Variants in TNFRSF9 observed in about 807,000 individuals in gnomAD.
TNFRSF9 encodes the protein tumor necrosis factor receptor superfamily member 9.
Under a neutral mutation model 28.8 loss-of-function variants are expected in TNFRSF9, and 16 were observed. That is an observed-to-expected ratio of 0.55 (90% CI 0.38 to 0.84). The LOEUF (loss-of-function observed/expected upper bound fraction) is 0.84. Among genes scored for constraint, TNFRSF9 ranks in the 40% least tolerant of loss-of-function variants. TNFRSF9 has a pLI of 0.00. For synonymous variants in TNFRSF9, 131 were observed against 117.0 expected (o/e 1.12, Z -0.77); for missense variants, 303 against 315.0 (o/e 0.96, Z 0.29).
intron 7 of TNFRSF9, among the ~76,000 whole-genome samples, chr1:7,928,467 A>G (rs1276853399): frequency 1.3e-5 from 2 of 152,242 alleles, no homozygotes; most frequent in East Asian, 3.8e-4. Context: ...AGGAAAAAGA[A>G]TTAACCATTG....
intron 7 of TNFRSF9, among the ~76,000 whole-genome samples, chr1:7,932,666 C>CACACAT (rs1383236707): frequency 6.6e-6 from 1 of 151,626 alleles, no homozygotes; most frequent in Non-Finnish European, 1.5e-5. Flanking sequence ...CACGCACACA[C>CACACAT]ACACATACAC....
chr1:7,935,393 C>T (rs1457682379), intron 5 of TNFRSF9, among the ~76,000 whole-genome samples: 1 of 152,288 alleles, frequency 6.6e-6, no homozygotes, highest in Non-Finnish European at 1.5e-5. Flanking sequence ...TCTCTCACCC[C>T]CAGTTTCTTA....
At chr1:7,924,794 G>A (rs1639615472) in intron 7 of TNFRSF9, among the ~76,000 whole-genome samples, 1 of 152,154 alleles carries the variant, frequency 6.6e-6, no homozygotes, top group East Asian at 1.9e-4. Context: ...AGATGTGGAG[G>A]TGGCAGACAC....
intron 1 of TNFRSF9, among the ~76,000 whole-genome samples, chr1:7,940,528 A>G (rs1179993622): frequency 6.6e-6 from 1 of 152,186 alleles, no homozygotes; most frequent in East Asian, 1.9e-4. Context: ...AACTACTAAC[A>G]TGTGGAAAGA....
rs1639528275 is a variant in TNFRSF9 at position 7,919,596 on chromosome 1, T to G, written c.*1239A>C. ...GGTTTGCACCTGTAATCCCAGCTAC[T>G]TGGGAGACTGAGGCGGGTGGATCAC... On this transcript the variant is annotated 3_prime_UTR_variant, in exon 8 of 8. Coordinates refer to ENST00000377507, the MANE Select transcript of TNFRSF9 (RefSeq NM_001561.6). 6.6e-6 allele frequency: 1 copy of G among 152,240 alleles called. No homozygotes were observed. 9.4% of individuals were successfully genotyped at this position (152,240 alleles called of 1,614,324 possible).
At position 7,924,425 on chromosome 1, in the gene TNFRSF9, G is replaced by C. The variant is rs148064252; in HGVS notation, c.680-3502C>G. ...GTGGATTGCCTGAGCTCAGGAGTTTGAGACTAGCCTGGGCAATTTGGTGAA... is the reference window on the plus strand; with the variant it reads ...GTGGATTGCCTGAGCTCAGGAGTTTCAGACTAGCCTGGGCAATTTGGTGAA... On this transcript the variant is annotated intron_variant, in intron 7 of 7. Coordinates refer to ENST00000377507, the MANE Select transcript of TNFRSF9 (RefSeq NM_001561.6). 9.4e-3 allele frequency among the ~76,000 whole-genome samples: 1,419 copies of C among 151,336 alleles called. 26 individuals are homozygous for C. The highest frequency in any genetic ancestry group is 0.033 in the African/African-American group (1,352 of 41,152).
intron 7 of TNFRSF9, among the ~76,000 whole-genome samples, chr1:7,925,112 G>A (rs922556994): frequency 3.9e-5 from 6 of 151,974 alleles, no homozygotes; most frequent in South Asian, 2.1e-4. Flanking sequence ...TCAGGAGTTC[G>A]AGACCAGCCT....
intron 7 of TNFRSF9, among the ~76,000 whole-genome samples, chr1:7,928,266 T>C (rs1200908808): frequency 6.6e-6 from 1 of 152,168 alleles, no homozygotes; most frequent in South Asian, 2.1e-4. Context: ...ACCAAACATA[T>C]AGCCCAGCAA....
In TNFRSF9 at chr1:7,935,132, T is replaced by C. The variant is rs1578076558; in HGVS notation, c.425A>G (p.Asp142Gly). The change falls in exon 6 of 8, where the codon GAT (aspartate) becomes GGT (glycine). Residue 142 changes from aspartate (D) to glycine (G), a missense_variant. Physicochemically the swap from Asp to Gly is moderately conservative, Grantham distance 94. Transcript: ENST00000377507. ...ICRPWTNCSL[D>G]GKSVLVNGTK... Reference sequence around the variant, plus strand: ...CCCATTCACAAGCACAGACTTTCCATCCAAAGAACAGCTTAGACAGTTCAA... The same window carrying C: ...CCCATTCACAAGCACAGACTTTCCACCCAAAGAACAGCTTAGACAGTTCAA... The C allele has an allele frequency of 1.2e-6, 2 of 1,614,184 alleles. 1 individual carries two copies. The highest frequency in any genetic ancestry group is 2.2e-5 in the South Asian group (2 of 91,084).
intron 5 of TNFRSF9, 54 bp downstream of exon 5, chr1:7,937,636 C>A: frequency 6.7e-7 from 1 of 1,494,600 alleles, no homozygotes; most frequent in East Asian, 2.3e-5. Flanking sequence ...CCTTATCTTC[C>A]AAAAAATTTA....
intron 7 of TNFRSF9, among the ~76,000 whole-genome samples, chr1:7,921,338 AAAAACAAAACAAAACAAAAC>A (rs143263936): frequency 1.2e-4 from 17 of 140,124 alleles, no homozygotes; most frequent in East Asian, 6.5e-4. Flanking sequence ...CTCTGTCTCA[AAAAACAAAACAAAACAAAAC>A]AAAACAAAAC....
chr1:7,927,908 A>C (rs888134291), intron 7 of TNFRSF9, among the ~76,000 whole-genome samples: 1 of 152,178 alleles, frequency 6.6e-6, no homozygotes, highest in Admixed American at 6.5e-5. Context: ...AATATTTATA[A>C]ACCATATATA....
chr1:7,928,103 A>G (rs1451468490), intron 7 of TNFRSF9, among the ~76,000 whole-genome samples: 2 of 152,212 alleles, frequency 1.3e-5, no homozygotes, highest in Admixed American at 6.5e-5. Flanking sequence ...TAAAGCCCCA[A>G]TGAGATGTCA....
chr1:7,925,302 C>CAGA lies in TNFRSF9; in HGVS notation c.680-4380_680-4379insTCT, dbSNP rs1639631566. Reference sequence around the variant, plus strand: ...CAGCCTGGGCAGCAAGACCCTGCCTCAAAAAAAAAAAAATTAAAGTTTATG... The same window carrying CAGA: ...CAGCCTGGGCAGCAAGACCCTGCCTCAGAAAAAAAAAAAAAATTAAAGTTTATG... On this transcript the variant is annotated intron_variant, in intron 7 of 7. Coordinates refer to ENST00000377507, the MANE Select transcript of TNFRSF9 (RefSeq NM_001561.6). 2.3e-5 allele frequency among the ~76,000 whole-genome samples: 3 copies of CAGA among 128,820 alleles called. No homozygotes were observed. In the South Asian group the frequency reaches 7.4e-4, roughly 32 times the overall value. The allele number at this position is 128,820 out of a possible 152,430, so 84.5% of individuals were successfully genotyped here.
rs765320702 is a variant in TNFRSF9, at chr1:7,939,979, A to C, written c.16T>G (p.Tyr6Asp). Residue 6 changes from tyrosine (Y) to aspartate (D), a missense_variant, in exon 2 of 8, where the codon TAC becomes GAC. By Grantham distance (160) the Tyr-to-Asp change is radical. Transcript: ENST00000377507. MGNSC[Y>D]NIVATLLLVL... is the part of the protein sequence containing the mutation. ...AGCAACAGAGTGGCTACTATGTTGTAACAGCTGTTTCCCATGATGAAATCT... is the reference window on the plus strand; with the variant it reads ...AGCAACAGAGTGGCTACTATGTTGTCACAGCTGTTTCCCATGATGAAATCT... The C allele has an allele frequency of 2.5e-6, 4 of 1,595,290 alleles. No individual in the cohort carries two copies. Among genetic ancestry groups the C allele is most frequent in the Non-Finnish European group, 3.4e-6 (4 of 1,164,920 alleles).
rs768329107 is a variant in TNFRSF9 at position 7,933,254 on chromosome 1, G to A, written c.587C>T (p.Ser196Leu). Residue 196 changes from serine (S) to leucine (L), a missense_variant, in exon 7 of 8, where the codon TCG becomes TTG. Transcript: ENST00000377507. The stretch of plus-strand genomic sequence containing the variant: ...GAACAGCAGGAAGAGCAACGCAGTC[G>A]ACGTCAGCGCAAGAAAGAAGGAGAT... ...QIISFFLALT[S>L]TALLFLLFFL... 24 of 1,613,856 alleles carry A rather than the reference G, an allele frequency of 1.5e-5. No homozygotes were observed. In the South Asian group the frequency reaches 2.2e-4, roughly 15 times the overall value.
intron 7 of TNFRSF9, among the ~76,000 whole-genome samples, chr1:7,924,532 C>G (rs1639610717): frequency 6.6e-6 from 1 of 151,942 alleles, no homozygotes; most frequent in African/African-American, 2.4e-5. Flanking sequence ...GAGGCTGAGA[C>G]AGGAGAATCC....
chr1:7,924,080 C>T (rs191608340), intron 7 of TNFRSF9, among the ~76,000 whole-genome samples: 2 of 152,048 alleles, frequency 1.3e-5, no homozygotes, highest in African/African-American at 4.8e-5. Flanking sequence ...CCTATTGCCT[C>T]GTGATGTCCA....
intron 5 of TNFRSF9, 59 bp downstream of exon 5, chr1:7,937,630 AT>A: frequency 1.4e-6 from 2 of 1,433,194 alleles, no homozygotes; most frequent in Non-Finnish European, 2.0e-6. Flanking sequence ...AGCATTCCTT[AT>A]CTTCCAAAAA....
Sources: allele counts gnomAD v4.1 joint callset (sites outside exome capture counted in the v4.1 genomes callset), GRCh38; gene constraint gnomAD v4.1.1; transcripts MANE v1.5; gene names NCBI Gene and HGNC (gene_info 2026-07-23, HGNC 2026-07-21).